CYB5R3: variants seen among roughly 807,000 people sequenced by gnomAD.
CYB5R3 encodes NADH-cytochrome b5 reductase 3.
CYB5R3 carries 28 observed loss-of-function variants against 36.5 expected under a neutral mutation model. That is an observed-to-expected ratio of 0.77 (90% CI 0.57 to 1.05). The LOEUF is 1.05. Among genes scored for constraint, CYB5R3 ranks in the 50% least tolerant of loss-of-function variants. The pLI is 0.00. For synonymous variants in CYB5R3, 181 were observed against 159.8 expected, an observed-to-expected ratio of 1.13 and a Z score of -1.00; for missense variants, 474 against 408.9, an observed-to-expected ratio of 1.16 and a Z score of -1.37.
intron 5 of CYB5R3, 137 bp from the exon 6 acceptor site, chr22:42,627,825 A>G: frequency 1.3e-6 from 1 of 762,314 alleles, no homozygotes; most frequent in South Asian, 1.4e-5. Flanking sequence ...AACGCGAGCC[A>G]TGAGGAAGGT....
rs1209648326 is a variant in CYB5R3, at chr22:42,633,570, AG to A, written c.154-2121del. 2.6e-5 allele frequency among the ~76,000 whole-genome samples: 4 copies of A among 152,240 alleles called. No individual in the cohort carries two copies. The East Asian group carries it at 7.7e-4, about 29-fold the overall frequency. On this transcript the variant is annotated intron_variant, in intron 2 of 8. Transcript: ENST00000352397. ...GAGGTCGAGGCGGGCGGATCACCTG[AG>A]GTCGAAGTTCGAGACCAGCCTGACC...
At chr22:42,636,660 A>C in intron 2 of CYB5R3, 55 bp downstream of exon 2, 1 of 1,597,998 alleles carries the variant, frequency 6.3e-7, no homozygotes. Flanking sequence ...AGCACAGAGT[A>C]GGTGCTGGGC....
In CYB5R3 at chr22:42,625,848, C is replaced by T. The variant is rs8190455; in HGVS notation, c.633+1456G>A. Among the ~76,000 whole-genome samples, 213 of 152,258 alleles carry T rather than the reference C, an allele frequency of 1.4e-3. 2 individuals carry two copies. Among genetic ancestry groups the T allele is most frequent in the African/African-American group, 5.0e-3 (207 of 41,540 alleles). ...TACTGAGACACTGGTATTTTTCACT[C>T]TTCCTCTCTCAGTAGATGGGGCCAC... On this transcript the variant is annotated intron_variant, in intron 7 of 8. Transcript: ENST00000352397.
At chr22:42,632,792 C>G (rs896851753) in intron 2 of CYB5R3, 1 of 151,570 alleles carries the variant, frequency 6.6e-6, no homozygotes, top group African/African-American at 2.4e-5. Context: ...TTTGGGAGGC[C>G]GAGGTGGGCG....
intron 1 of CYB5R3, chr22:42,646,507 C>T: frequency 1.0e-5 from 3 of 285,912 alleles, no homozygotes; most frequent in Non-Finnish European, 1.6e-5. Context: ...GGACCCTGGC[C>T]TCCACTCTGC....
chr22:42,621,088 A>T (rs895605953), intron 8 of CYB5R3, among the ~76,000 whole-genome samples: 2 of 152,226 alleles, frequency 1.3e-5, no homozygotes, highest in Non-Finnish European at 2.9e-5. Flanking sequence ...AGTGGATCTG[A>T]AAGTACCTTG....
chr22:42,622,042 G>A (rs1479660785), intron 8 of CYB5R3, among the ~76,000 whole-genome samples: 1 of 151,608 alleles, frequency 6.6e-6, no homozygotes, highest in Admixed American at 6.6e-5. Flanking sequence ...TCCTGCCTCA[G>A]CCTCCGAGTA....
At chr22:42,627,234 G>C (rs990553187) in intron 7 of CYB5R3, 70 bp downstream of exon 7, 26 of 1,299,654 alleles carry the variant, frequency 2.0e-5, no homozygotes, top group Non-Finnish European at 2.9e-5. Flanking sequence ...CCCTGGAACA[G>C]CACCTGACCA....
chr22:42,642,000 A>C (rs1043030667), intron 1 of CYB5R3, among the ~76,000 whole-genome samples: 9 of 152,236 alleles, frequency 5.9e-5, no homozygotes, highest in Admixed American at 1.3e-4. Flanking sequence ...GGATATGCAC[A>C]CATGTAGTAT....
At chr22:42,631,966 G>A (rs1207316053) in intron 2 of CYB5R3, 1 of 160,306 alleles carries the variant, frequency 6.2e-6, no homozygotes, top group Non-Finnish European at 1.4e-5. Context: ...TCACAGGGCA[G>A]AAAGTGGGAG....
intron 2 of CYB5R3, among the ~76,000 whole-genome samples, chr22:42,636,176 C>G (rs6002837): frequency 0.13 from 19,067 of 151,938 alleles, 1,313 homozygotes; most frequent in Middle Eastern, 0.2. Flanking sequence ...GAGATCGCAC[C>G]ACTGCACTCC....
chr22:42,620,230 C>T (rs1030005235), intron 8 of CYB5R3, among the ~76,000 whole-genome samples: 1 of 152,166 alleles, frequency 6.6e-6, no homozygotes, highest in East Asian at 1.9e-4. Flanking sequence ...CTTGGAACAA[C>T]CCAGTGGGTG....
At chr22:42,627,723 A>C in intron 5 of CYB5R3, 35 bp from the exon 6 acceptor site, 1 of 1,484,792 alleles carries the variant, frequency 6.7e-7, no homozygotes, top group Non-Finnish European at 9.4e-7. Flanking sequence ...CCGGCCATCA[A>C]ACATGCCATG....
chr22:42,644,474 G>A (rs1422208704), intron 1 of CYB5R3: 1 of 944,064 alleles, frequency 1.1e-6, no homozygotes, highest in East Asian at 2.6e-5. Flanking sequence ...AAATGTCCTT[G>A]CTCTGCATGC....
At chr22:42,640,198 C>A in intron 1 of CYB5R3, 1 of 1,607,980 alleles carries the variant, frequency 6.2e-7, no homozygotes, top group South Asian at 1.1e-5. Flanking sequence ...TGCGGCCAAT[C>A]GAGGCTTCAA....
chr22:42,633,357 G>T (rs1481208822), intron 2 of CYB5R3: 1 of 152,310 alleles, frequency 6.6e-6, no homozygotes, highest in Non-Finnish European at 1.5e-5. Flanking sequence ...ATAGGGTCTG[G>T]CAGGCTCACG....
intron 1 of CYB5R3, chr22:42,639,116 G>C (rs1005676146): frequency 2.5e-6 from 1 of 405,370 alleles, no homozygotes; most frequent in East Asian, 8.5e-5. Flanking sequence ...GATTACTTGA[G>C]GTCAGAAGTT....
rs1438148658 is a variant in CYB5R3, at chr22:42,630,868, C to T, written c.333+14G>A. On this transcript the variant is annotated intron_variant, in intron 4 of 8. Transcript: ENST00000352397. ...ACCCACACCCCCTCCACAGTCATGACCCAGAGGCTTCACCTTGATGACCAG... is the reference window on the plus strand; with the variant it reads ...ACCCACACCCCCTCCACAGTCATGATCCAGAGGCTTCACCTTGATGACCAG... 1 of 1,605,980 alleles carries T rather than the reference C, an allele frequency of 6.2e-7. No individual in the cohort carries two copies. Among genetic ancestry groups the T allele is most frequent in the East Asian group, 2.2e-5 (1 of 44,802 alleles).
At chr22:42,638,221 C>T (rs1325072160) in intron 1 of CYB5R3, among the ~76,000 whole-genome samples, 1 of 151,846 alleles carries the variant, frequency 6.6e-6, no homozygotes, top group Non-Finnish European at 1.5e-5. Flanking sequence ...CAGGGTAAAA[C>T]CCCATCTCTA....
Sources: gnomAD v4.1 joint callset for allele counts (sites outside exome capture counted in the v4.1 genomes callset) on GRCh38, gnomAD v4.1.1 for gene constraint, MANE v1.5 for transcripts, NCBI Gene and HGNC (gene_info 2026-07-23, HGNC 2026-07-21) for gene names.